The following ATG7 variants were observed in gnomAD, a reference collection of about 807,000 sequenced individuals.
The protein encoded by ATG7 is ubiquitin-like modifier-activating enzyme ATG7.
A neutral mutation model predicts 82.4 loss-of-function variants in ATG7; 70 were observed. The observed-to-expected ratio is 0.85, with a 90% CI of 0.70 to 1.04. The LOEUF (loss-of-function observed/expected upper bound fraction) is 1.04. Ranked by LOEUF, ATG7 falls within the 50% of genes least tolerant of loss-of-function variation. The pLI is 0.00. For missense variants in ATG7, 792 were observed against 864.3 expected, an observed-to-expected ratio of 0.92 and a Z score of 1.05; for synonymous variants, 287 against 313.0, an observed-to-expected ratio of 0.92 and a Z score of 0.88.
chr3:11,379,079 C>G (rs1360327371), intron 18 of ATG7, among the ~76,000 whole-genome samples: 1 of 152,088 alleles, frequency 6.6e-6, no homozygotes, highest in Admixed American at 6.6e-5. Flanking sequence ...GTCTTGGCTC[C>G]ATTACTTACT....
At chr3:11,367,322 G>A (rs2076693524) in intron 18 of ATG7, among the ~76,000 whole-genome samples, 1 of 152,048 alleles carries the variant, frequency 6.6e-6, no homozygotes, top group Non-Finnish European at 1.5e-5. Context: ...GAGGAACTTG[G>A]TAAACTCCTT....
chr3:11,497,804 T>A (rs2090972163), intron 20 of ATG7, among the ~76,000 whole-genome samples: 1 of 152,078 alleles, frequency 6.6e-6, no homozygotes, highest in African/African-American at 2.4e-5. Context: ...TCACTGCTAT[T>A]ATAATAATAA....
chr3:11,411,367 T>C (rs1026955959), intron 19 of ATG7, among the ~76,000 whole-genome samples: 22 of 152,260 alleles, frequency 1.4e-4, no homozygotes, highest in Admixed American at 4.6e-4. Context: ...GGCTCATGCC[T>C]GTAATCCCAG....
chr3:11,431,109 A>G (rs1298395146), intron 20 of ATG7, among the ~76,000 whole-genome samples: 1 of 152,246 alleles, frequency 6.6e-6, no homozygotes, highest in Non-Finnish European at 1.5e-5. Context: ...ACCATAAAAC[A>G]CACCATTTTG....
chr3:11,338,480 T>C (rs1952914986), intron 11 of ATG7, among the ~76,000 whole-genome samples: 1 of 119,520 alleles, frequency 8.4e-6, no homozygotes, highest in African/African-American at 2.7e-5. Flanking sequence ...CTCTTTTTTT[T>C]CCCCACAGAA....
chr3:11,446,852 T>TG (rs959532205), intron 20 of ATG7: 3 of 160,094 alleles, frequency 1.9e-5, no homozygotes, highest in African/African-American at 7.2e-5. Context: ...TTATTGGGGC[T>TG]GGGGAGGTAT....
intron 20 of ATG7, 117 bp downstream of exon 20, chr3:11,427,043 A>G (rs1385651310): frequency 7.9e-7 from 1 of 1,263,984 alleles, no homozygotes; most frequent in Non-Finnish European, 1.1e-6. Context: ...TAGAGCAAAT[A>G]TCACTAAATA....
intron 20 of ATG7, among the ~76,000 whole-genome samples, chr3:11,493,977 GTAGT>G (rs1390435388): frequency 2.0e-5 from 3 of 152,190 alleles, no homozygotes; most frequent in East Asian, 1.9e-4. Flanking sequence ...GTAAGGAGTA[GTAGT>G]TAGGTGAAAG....
intron 20 of ATG7, among the ~76,000 whole-genome samples, chr3:11,456,366 T>C (rs1001488859): frequency 2.0e-5 from 3 of 152,214 alleles, no homozygotes; most frequent in Admixed American, 6.5e-5. Flanking sequence ...CTGCCACATA[T>C]TGTTTATGGA....
intron 19 of ATG7, among the ~76,000 whole-genome samples, chr3:11,397,441 CA>C (rs11290536): frequency 1 from 152,144 of 152,144 alleles, 76,072 homozygotes; most frequent in Non-Finnish European, 1. Flanking sequence ...AAAAAATTTA[CA>C]AGAACTACCA....
intron 20 of ATG7, chr3:11,477,023 T>C (rs184629297): frequency 1.8e-6 from 2 of 1,124,560 alleles, no homozygotes. Context: ...ATGGCAGTCA[T>C]TAAATGATTG....
At chr3:11,486,053 A>C (rs2089602300) in intron 20 of ATG7, among the ~76,000 whole-genome samples, 1 of 152,132 alleles carries the variant, frequency 6.6e-6, no homozygotes, top group Admixed American at 6.6e-5. Flanking sequence ...ATGAACTTTT[A>C]AGTAGTTTTT....
intron 19 of ATG7, among the ~76,000 whole-genome samples, chr3:11,403,668 C>T (rs535165020): frequency 1.3e-5 from 2 of 152,236 alleles, no homozygotes; most frequent in East Asian, 1.9e-4. Flanking sequence ...TTTTTCCTCA[C>T]ATTGCTTTAG....
At position 11,557,447 on chromosome 3, in the gene ATG7, G is replaced by T. The variant is rs1160808876; in HGVS notation, c.*2604G>T. The T allele has an allele frequency of 6.5e-6, 1 of 152,696 alleles. No homozygotes were observed. The highest frequency in any genetic ancestry group is 2.4e-5 in the African/African-American group (1 of 41,452). 9.5% of individuals were successfully genotyped at this position (152,696 alleles called of 1,614,324 possible). On this transcript the variant is annotated 3_prime_UTR_variant, in exon 21 of 21. Coordinates refer to ENST00000693202, the MANE Select transcript of ATG7 (RefSeq NM_001349232.2). ...TCCCCTGGGAGCTTGTAACAAAGCAGACAGGGATGCAAAAATAAATGATGT... is the reference window on the plus strand; with the variant it reads ...TCCCCTGGGAGCTTGTAACAAAGCATACAGGGATGCAAAAATAAATGATGT...
intron 20 of ATG7, among the ~76,000 whole-genome samples, chr3:11,449,816 G>T (rs1188719993): frequency 1.3e-5 from 2 of 152,162 alleles, no homozygotes; most frequent in African/African-American, 4.8e-5. Context: ...TTAGTTGAAT[G>T]ATAGGACAAA....
intron 20 of ATG7, among the ~76,000 whole-genome samples, chr3:11,511,670 G>C (rs1224353731): frequency 6.6e-6 from 1 of 152,188 alleles, no homozygotes; most frequent in Non-Finnish European, 1.5e-5. Context: ...GGGAGGCTCC[G>C]GCCGCACAGG....
chr3:11,315,324 A>G lies in ATG7; in HGVS notation c.529-20A>G. ...GAAATGTAATTTTCTAGAGAATAAC[A>G]ACGTGTTTTCTGTTTTCAGATTGAA... On this transcript the variant is annotated intron_variant, in intron 8 of 20. Coordinates refer to ENST00000693202, the MANE Select transcript of ATG7 (RefSeq NM_001349232.2). The G allele has an allele frequency of 6.5e-7, 1 of 1,533,218 alleles. No homozygotes were observed. The highest frequency in any genetic ancestry group is 8.8e-7 in the Non-Finnish European group (1 of 1,140,676). 95.0% of individuals were successfully genotyped at this position (1,533,218 alleles called of 1,614,324 possible). A position where few individuals can be genotyped will look rare whatever the true frequency, so the allele number is the denominator to read the frequency against.
At position 11,509,867 on chromosome 3, in the gene ATG7, C is replaced by T. The variant is rs368588298; in HGVS notation, c.2080-44944C>T. Among the ~76,000 whole-genome samples, 6 of 152,256 alleles carry T rather than the reference C, an allele frequency of 3.9e-5. No individual in the cohort carries two copies. In the South Asian group the frequency reaches 6.2e-4, roughly 16 times the overall value. On this transcript the variant is annotated intron_variant, in intron 20 of 20. Transcript: ENST00000693202. ...ATCTTCCCATAAATCAGGCAGCCAG[C>T]GCTCCATACTTATTTACTGGGTCTT...
chr3:11,501,839 G>A (rs1356596350), intron 20 of ATG7, among the ~76,000 whole-genome samples: 7 of 152,178 alleles, frequency 4.6e-5, no homozygotes, highest in South Asian at 2.1e-4. Flanking sequence ...ACAGGTGTGC[G>A]CCACCACATC....
Sources: allele counts gnomAD v4.1 joint callset (sites outside exome capture counted in the v4.1 genomes callset), GRCh38; gene constraint gnomAD v4.1.1; transcripts MANE v1.5; gene names NCBI Gene and HGNC (gene_info 2026-07-23, HGNC 2026-07-21).